Variants in TMCC1 observed in about 807,000 individuals in gnomAD.
TMCC1 encodes the protein transmembrane and coiled-coil domain family 1, also known as transmembrane and coiled-coil domains protein 1.
In TMCC1, 15 loss-of-function variants were observed where a neutral mutation model predicts 52.4. That is an observed-to-expected ratio of 0.29 (90% CI 0.19 to 0.44). TMCC1 has a LOEUF of 0.44. Among genes scored for constraint, TMCC1 ranks in the 20% least tolerant of loss-of-function variants. The pLI is 1.00. For missense variants in TMCC1, 503 were observed against 806.0 expected, an observed-to-expected ratio of 0.62 and a Z score of 4.55; for synonymous variants, 279 against 301.9, an observed-to-expected ratio of 0.92 and a Z score of 0.79.
intron 4 of TMCC1, among the ~76,000 whole-genome samples, chr3:129,734,013 G>A (rs2050744346): frequency 6.6e-6 from 1 of 152,092 alleles, no homozygotes; most frequent in Admixed American, 6.6e-5. Flanking sequence ...TAGTTAAACA[G>A]AAGATGAATA....
At chr3:129,853,123 G>C (rs2059989137) in intron 2 of TMCC1, among the ~76,000 whole-genome samples, 1 of 152,136 alleles carries the variant, frequency 6.6e-6, no homozygotes, top group African/African-American at 2.4e-5. Context: ...CTGGGGTATA[G>C]TGAGCTATGA....
chr3:129,722,630 GA>G (rs904275434), intron 4 of TMCC1, among the ~76,000 whole-genome samples: 3 of 151,806 alleles, frequency 2.0e-5, no homozygotes, highest in Non-Finnish European at 1.5e-5. Flanking sequence ...ATCAATAATG[GA>G]AAAAAAGGAG....
intron 2 of TMCC1, among the ~76,000 whole-genome samples, chr3:129,869,561 T>C (rs2060817738): frequency 6.6e-6 from 1 of 152,148 alleles, no homozygotes; most frequent in African/African-American, 2.4e-5. Flanking sequence ...GATCTGACAC[T>C]AACTCCAGGT....
intron 4 of TMCC1, among the ~76,000 whole-genome samples, chr3:129,786,098 C>A (rs2056011852): frequency 6.6e-6 from 1 of 152,008 alleles, no homozygotes; most frequent in African/African-American, 2.4e-5. Context: ...TGCCACCATG[C>A]CTGGCTAATT....
intron 2 of TMCC1, among the ~76,000 whole-genome samples, chr3:129,850,509 T>A (rs1261534457): frequency 6.6e-6 from 1 of 152,216 alleles, no homozygotes. Flanking sequence ...TCATAGAAGA[T>A]TAAACCAGTG....
chr3:129,858,396 AG>A (rs2060238988), intron 2 of TMCC1, among the ~76,000 whole-genome samples: 1 of 152,042 alleles, frequency 6.6e-6, no homozygotes, highest in Non-Finnish European at 1.5e-5. Context: ...TTTTTGAGAC[AG>A]TGTCACTCTG....
At chr3:129,767,386 T>A (rs76630243) in intron 4 of TMCC1, among the ~76,000 whole-genome samples, 9 of 152,040 alleles carry the variant, frequency 5.9e-5, no homozygotes, top group East Asian at 3.8e-4. Flanking sequence ...TTTTTTTTTT[T>A]AAATTGGAGA....
intron 2 of TMCC1, among the ~76,000 whole-genome samples, chr3:129,838,828 G>A (rs2059291605): frequency 6.7e-6 from 1 of 148,312 alleles, no homozygotes; most frequent in Non-Finnish European, 1.5e-5. Context: ...AAAGGCTCTT[G>A]AAGGCAGTCA....
At chr3:129,838,609 C>T (rs1003527516) in intron 2 of TMCC1, among the ~76,000 whole-genome samples, 4 of 151,246 alleles carry the variant, frequency 2.6e-5, no homozygotes, top group Non-Finnish European at 5.9e-5. Context: ...AAAAATTAGC[C>T]AGGTGTGGTG....
At chr3:129,783,837 T>A (rs1467326594) in intron 4 of TMCC1, among the ~76,000 whole-genome samples, 2 of 151,398 alleles carry the variant, frequency 1.3e-5, no homozygotes, top group Non-Finnish European at 3.0e-5. Context: ...ACCAAAAAGA[T>A]GAAGTTAGAA....
intron 4 of TMCC1, among the ~76,000 whole-genome samples, chr3:129,779,372 G>A (rs1560400926): frequency 1.3e-5 from 2 of 151,944 alleles, no homozygotes; most frequent in South Asian, 4.2e-4. Context: ...AACAATCCTT[G>A]AGTTCTTAAC....
rs3993144 is a variant in TMCC1, at chr3:129,835,328, C to CATAT, written c.-183-2506_-183-2503dup. ...TCAGTCACGGTTTCTCTCACTCTTT[C>CATAT]ATATATATATATATATATTTTAATG... is the stretch of plus-strand genomic sequence containing the variant. On this transcript the variant is annotated intron_variant, in intron 2 of 6. Coordinates refer to ENST00000393238, the MANE Select transcript of TMCC1 (RefSeq NM_001017395.5). Among the ~76,000 whole-genome samples, 771 of 148,696 alleles carry CATAT rather than the reference C, an allele frequency of 5.2e-3. 4 individuals are homozygous for CATAT. Among genetic ancestry groups the CATAT allele is most frequent in the African/African-American group, 0.017 (696 of 40,668 alleles).
At chr3:129,813,217 T>C (rs1249103518) in intron 4 of TMCC1, among the ~76,000 whole-genome samples, 2 of 152,208 alleles carry the variant, frequency 1.3e-5, no homozygotes, top group African/African-American at 4.8e-5. Flanking sequence ...CCAGTAGGAA[T>C]GTAAATTAGT....
chr3:129,721,704 CAAAAAAAAA>C (rs765601986), intron 4 of TMCC1, among the ~76,000 whole-genome samples: 2 of 76,058 alleles, frequency 2.6e-5, no homozygotes, highest in Admixed American at 1.4e-4. Context: ...ACTAAAAATA[CAAAAAAAAA>C]AAAAAAAAAA....
At chr3:129,725,646 A>G (rs1188675681) in intron 4 of TMCC1, among the ~76,000 whole-genome samples, 1 of 152,130 alleles carries the variant, frequency 6.6e-6, no homozygotes, top group African/African-American at 2.4e-5. Flanking sequence ...AGGTCATTTT[A>G]TAAGAACCTC....
intron 4 of TMCC1, among the ~76,000 whole-genome samples, chr3:129,733,146 G>A (rs575624730): frequency 6.6e-6 from 1 of 152,282 alleles, no homozygotes; most frequent in Admixed American, 6.5e-5. Flanking sequence ...CAGTAGAAAA[G>A]ACAGGTGAAA....
chr3:129,745,930 A>AG lies in TMCC1; in HGVS notation c.577-74667dup, dbSNP rs1315183009. On this transcript the variant is annotated intron_variant, in intron 4 of 6. Coordinates refer to ENST00000393238, the MANE Select transcript of TMCC1 (RefSeq NM_001017395.5). ...ACTCTCCCTAAAAAAAAAAAAGGAA[A>AG]GAAAAAAAGCCAGATGGGGTCTTTC... 1.2e-3 allele frequency among the ~76,000 whole-genome samples: 181 copies of AG among 151,222 alleles called. 1 individual carries two copies. The highest frequency in any genetic ancestry group is 4.3e-3 in the African/African-American group (178 of 41,350).
chr3:129,810,645 T>G (rs2057755600), intron 4 of TMCC1, among the ~76,000 whole-genome samples: 1 of 152,218 alleles, frequency 6.6e-6, no homozygotes, highest in Non-Finnish European at 1.5e-5. Flanking sequence ...AAACTGAACT[T>G]GATTCTATGG....
chr3:129,701,519 T>A (rs1181000659), intron 4 of TMCC1, among the ~76,000 whole-genome samples: 1 of 152,184 alleles, frequency 6.6e-6, no homozygotes, highest in Non-Finnish European at 1.5e-5. Context: ...GGAAAGAAGT[T>A]TAAAATCTTT....
Sources: gnomAD v4.1 joint callset for allele counts (sites outside exome capture counted in the v4.1 genomes callset) on GRCh38, gnomAD v4.1.1 for gene constraint, MANE v1.5 for transcripts, NCBI Gene and HGNC (gene_info 2026-07-23, HGNC 2026-07-21) for gene names.